Variants in DBH observed in about 807,000 individuals in gnomAD.
DBH encodes the protein dopamine beta-hydroxylase (dopamine beta-monooxygenase).
DBH carries 49 observed loss-of-function variants against 64.0 expected under a neutral mutation model. The ratio of observed to expected loss-of-function variants is 0.77; its 90% confidence interval spans 0.61 to 0.97. The LOEUF is 0.97. Ranked by LOEUF, DBH falls within the 50% of genes least tolerant of loss-of-function variation. DBH has a pLI of 0.00. For synonymous variants in DBH, 343 were observed against 347.1 expected (o/e 0.99, Z 0.13); for missense variants, 828 against 826.6 (o/e 1.00, Z -0.02).
chr9:133,636,813 T>C (rs1832059164), intron 1 of DBH, 103 bp downstream of exon 1: 2 of 1,132,194 alleles, frequency 1.8e-6, no homozygotes, highest in South Asian at 2.6e-5. Context: ...AGTTCTTCTG[T>C]CACCTGTCAG....
chr9:133,647,845 G>C lies in DBH; in HGVS notation c.1025-1G>C. 2 of 1,614,212 alleles carry C rather than the reference G, an allele frequency of 1.2e-6. No individual in the cohort carries two copies. The highest frequency in any genetic ancestry group is 1.7e-6 in the Non-Finnish European group (2 of 1,180,032). On this transcript the variant is annotated splice_acceptor_variant, in intron 5 of 11. Transcript: ENST00000393056. LOFTEE classifies it high-confidence loss of function. ...CCTCCATCCATCCCACCTTCTCCCA[G>C]GACGAAACGACTCCTCAGGCATCCG...
At chr9:133,645,820 G>T (rs1832175039) in intron 5 of DBH, among the ~76,000 whole-genome samples, 1 of 152,184 alleles carries the variant, frequency 6.6e-6, no homozygotes, top group Non-Finnish European at 1.5e-5. Flanking sequence ...CTTGTGTGGA[G>T]TCTTCAGTTC....
At chr9:133,658,295 C>G (rs768314534) in intron 11 of DBH, 21 bp from the exon 12 acceptor site, 1 of 1,613,648 alleles carries the variant, frequency 6.2e-7, no homozygotes, top group Non-Finnish European at 8.5e-7. Context: ...CTCAGTTTAC[C>G]TCCTGCCCCC....
At chr9:133,651,190 G>A (rs1206743203) in intron 6 of DBH, among the ~76,000 whole-genome samples, 1 of 152,268 alleles carries the variant, frequency 6.6e-6, no homozygotes, top group Non-Finnish European at 1.5e-5. Flanking sequence ...CACCACGTAG[G>A]GGACCTGCCA....
intron 8 of DBH, 31 bp downstream of exon 8, chr9:133,652,315 C>A: frequency 1.2e-6 from 2 of 1,611,238 alleles, no homozygotes; most frequent in Non-Finnish European, 1.7e-6. Context: ...CTGTCCCACT[C>A]ACTGCCACCA....
chr9:133,639,703 C>G (rs1290605673), intron 1 of DBH, 143 bp from the exon 2 acceptor site: 6 of 878,454 alleles, frequency 6.8e-6, no homozygotes, highest in East Asian at 5.3e-5. Context: ...CAGGCAGAAC[C>G]CTCAGATCCA....
intron 5 of DBH, among the ~76,000 whole-genome samples, chr9:133,644,587 G>A (rs1325632750): frequency 2.0e-5 from 3 of 152,216 alleles, no homozygotes; most frequent in African/African-American, 7.2e-5. Context: ...CCTATAATAC[G>A]GGCTGCCATC....
At chr9:133,657,273 C>T (rs368261313) in intron 11 of DBH, 44 bp downstream of exon 11, 2 of 1,610,724 alleles carry the variant, frequency 1.2e-6, no homozygotes, top group Non-Finnish European at 1.7e-6. Flanking sequence ...TCAGGCAGGC[C>T]TCATGGGGGG....
rs1335684580 is a variant in DBH, at chr9:133,647,875, T to C, written c.1054T>C (p.Tyr352His). ...AAACGACTCCTCAGGCATCCGCTTG[T>C]ACTACACAGCCAAGCTGCGGCGCTT... Reference protein sequence around the residue: ...GRNDSSGIRLYYTAKLRRFNA... With the variant: ...GRNDSSGIRLHYTAKLRRFNA... Residue 352 changes from tyrosine to histidine, a missense_variant, in exon 6 of 12, where the codon TAC becomes CAC. By Grantham distance (83) the Tyr-to-His change is moderately conservative (BLOSUM62 2). Coordinates refer to ENST00000393056, the MANE Select transcript of DBH (RefSeq NM_000787.4). The C allele has an allele frequency of 6.2e-7, 1 of 1,614,240 alleles. No individual in the cohort carries two copies. The highest frequency in any genetic ancestry group is 1.7e-5 in the Admixed American group (1 of 60,030).
In DBH at chr9:133,636,575, C is replaced by T; in HGVS notation, c.204C>T (p.Thr68=). The change falls in exon 1 of 12, where the codon ACC becomes ACT. Residue 68 remains threonine (T), a synonymous_variant. Transcript: ENST00000393056. ...SLELSWNVSY[T]QEAIHFQLLV... is the part of the protein sequence containing the mutation. ...AGCTCTCATGGAATGTCAGCTACAC[C>T]CAGGAGGCCATCCATTTCCAGCTCC... 6.2e-7 allele frequency: 1 copy of T among 1,613,680 alleles called. No individual in the cohort carries two copies.
At chr9:133,648,842 C>A (rs1832213404) in intron 6 of DBH, among the ~76,000 whole-genome samples, 1 of 152,240 alleles carries the variant, frequency 6.6e-6, no homozygotes, top group Non-Finnish European at 1.5e-5. Context: ...CTAGGCTGTT[C>A]TCAACTTTTC....
chr9:133,656,173 A>T (rs1832314955), intron 9 of DBH: 1 of 345,494 alleles, frequency 2.9e-6, no homozygotes, highest in African/African-American at 2.1e-5. Flanking sequence ...AGGCTGTGCC[A>T]CCGATGCTGT....
chr9:133,646,628 A>T (rs997195712), intron 5 of DBH, among the ~76,000 whole-genome samples: 1 of 152,126 alleles, frequency 6.6e-6, no homozygotes. Flanking sequence ...GGTTCAAGCG[A>T]TTCTCCTGCC....
At chr9:133,644,162 C>T in intron 4 of DBH, 56 bp from the exon 5 acceptor site, 1 of 1,394,888 alleles carries the variant, frequency 7.2e-7, no homozygotes, top group African/African-American at 1.4e-5. Context: ...TGCCCCTGCC[C>T]AGACCTGGGG....
rs554987918 is a variant in DBH, at chr9:133,652,191, G to A, written c.1336-55G>A. On this transcript the variant is annotated intron_variant, in intron 7 of 11. Coordinates refer to ENST00000393056, the MANE Select transcript of DBH (RefSeq NM_000787.4). Reference sequence around the variant, plus strand: ...GGAGGACACAGTGGCCGGGGGTCTGGTCTGCAGCTCTCTGAGGTCTCCTCT... The same window carrying A: ...GGAGGACACAGTGGCCGGGGGTCTGATCTGCAGCTCTCTGAGGTCTCCTCT... 1.4e-5 allele frequency: 22 copies of A among 1,608,362 alleles called. No individual in the cohort carries two copies. The African/African-American group carries it at 2.8e-4, about 20-fold the overall frequency.
chr9:133,657,444 A>AGAGAGAG, intron 11 of DBH: 2 of 386,900 alleles, frequency 5.2e-6, no homozygotes, highest in Non-Finnish European at 9.3e-6. Context: ...GAGAGAGAGG[A>AGAGAGAG]GAGAGAGGAG....
intron 5 of DBH, 144 bp downstream of exon 5, chr9:133,644,464 T>A: frequency 1.3e-5 from 10 of 744,582 alleles, no homozygotes; most frequent in Non-Finnish European, 2.4e-5. Context: ...GTCTGCCTCA[T>A]CCGCTGTCCA....
chr9:133,651,160 G>C (rs1041476050), intron 6 of DBH, among the ~76,000 whole-genome samples: 1 of 152,270 alleles, frequency 6.6e-6, no homozygotes, highest in Non-Finnish European at 1.5e-5. Context: ...ACGCAGGGCA[G>C]CTGAAGGTCC....
chr9:133,647,101 A>G (rs1227173286), intron 5 of DBH, among the ~76,000 whole-genome samples: 1 of 152,238 alleles, frequency 6.6e-6, no homozygotes, highest in African/African-American at 2.4e-5. Flanking sequence ...AACGGGGGCT[A>G]GACCTGCAAC....
Sources: gnomAD v4.1 joint callset for allele counts (sites outside exome capture counted in the v4.1 genomes callset) on GRCh38, gnomAD v4.1.1 for gene constraint, MANE v1.5 for transcripts, NCBI Gene and HGNC (gene_info 2026-07-23, HGNC 2026-07-21) for gene names.